Variants in LRRIQ3 observed in about 807,000 individuals in gnomAD.
LRRIQ3 encodes leucine rich repeats and IQ motif containing 3, also known as leucine-rich repeat and IQ domain-containing protein 3.
A neutral mutation model predicts 59.3 loss-of-function variants in LRRIQ3; 75 were observed. That is an observed-to-expected ratio of 1.26 (90% CI 1.05 to 1.53). The LOEUF is 1.53. Among genes scored for constraint, LRRIQ3 ranks in the 40% most tolerant of loss-of-function variants. The probability of loss-of-function intolerance (pLI) is 0.00; values close to 1 mark genes in which losing one functional copy is unlikely to be tolerated. For missense variants in LRRIQ3, 831 were observed against 710.0 expected (o/e 1.17, Z -1.94); for synonymous variants, 250 against 231.3 (o/e 1.08, Z -0.73).
At chr1:74,168,709 T>C (rs1005867382) in intron 3 of LRRIQ3, among the ~76,000 whole-genome samples, 13 of 152,072 alleles carry the variant, frequency 8.5e-5, no homozygotes, top group African/African-American at 4.8e-5. Context: ...TTAAACATTT[T>C]TGGAATTCCA....
chr1:74,076,325 C>T (rs1322691829), intron 5 of LRRIQ3, among the ~76,000 whole-genome samples: 1 of 152,080 alleles, frequency 6.6e-6, no homozygotes, highest in Non-Finnish European at 1.5e-5. Context: ...TTATCATTTG[C>T]TATTGTGAAG....
rs180872345 is a variant in LRRIQ3, at chr1:74,050,009, C to T, written c.998-8076G>A. On this transcript the variant is annotated intron_variant, in intron 6 of 7. Transcript: ENST00000354431. ...CATGATCTCAGCTCACTGCAACCTC[C>T]GCCTCCCGGATTCAAGCAATTCTCC... Among the ~76,000 whole-genome samples the T allele has an allele frequency of 3.7e-3, 561 of 151,106 alleles. 5 individuals carry two copies. Among genetic ancestry groups the T allele is most frequent in the African/African-American group, 0.013 (532 of 41,162 alleles).
At chr1:74,039,623 A>G (rs1034785661) in intron 7 of LRRIQ3, among the ~76,000 whole-genome samples, 1 of 152,138 alleles carries the variant, frequency 6.6e-6, no homozygotes, top group Non-Finnish European at 1.5e-5. Flanking sequence ...GAGAGTGGGG[A>G]CCAATATTCA....
intron 4 of LRRIQ3, among the ~76,000 whole-genome samples, chr1:74,145,049 A>G (rs1647478119): frequency 6.6e-6 from 1 of 152,160 alleles, no homozygotes; most frequent in Non-Finnish European, 1.5e-5. Context: ...ATTAATGTAC[A>G]TTTAGTAGAG....
At chr1:74,120,545 C>T (rs1203259635) in intron 4 of LRRIQ3, among the ~76,000 whole-genome samples, 1 of 151,670 alleles carries the variant, frequency 6.6e-6, no homozygotes, top group African/African-American at 2.4e-5. Flanking sequence ...ATTTTGTATC[C>T]AGCCACCAGC....
At chr1:74,072,699 T>C (rs934490006) in intron 6 of LRRIQ3, among the ~76,000 whole-genome samples, 5 of 152,036 alleles carry the variant, frequency 3.3e-5, no homozygotes, top group African/African-American at 1.2e-4. Flanking sequence ...ATCTGTAGCC[T>C]AGTTGGAAGT....
intron 3 of LRRIQ3, among the ~76,000 whole-genome samples, chr1:74,173,184 C>T (rs981878024): frequency 2.0e-5 from 3 of 151,092 alleles, no homozygotes; most frequent in African/African-American, 7.3e-5. Flanking sequence ...ATAGTTCCAG[C>T]TACTTGGGAG....
intron 5 of LRRIQ3, among the ~76,000 whole-genome samples, chr1:74,097,281 C>T (rs1410419606): frequency 4.0e-5 from 6 of 151,894 alleles, no homozygotes; most frequent in African/African-American, 7.3e-5. Flanking sequence ...CTTCAGTAGC[C>T]GATTCAATCA....
intron 3 of LRRIQ3, among the ~76,000 whole-genome samples, chr1:74,168,703 A>G (rs1649145085): frequency 6.6e-6 from 1 of 151,874 alleles, no homozygotes; most frequent in African/African-American, 2.4e-5. Context: ...GGTTACTTAA[A>G]CATTTTTGGA....
intron 4 of LRRIQ3, among the ~76,000 whole-genome samples, chr1:74,123,168 G>C (rs1019509921): frequency 6.6e-6 from 1 of 151,488 alleles, no homozygotes; most frequent in Non-Finnish European, 1.5e-5. Flanking sequence ...TTTAATTTTT[G>C]TAGGTACATA....
chr1:74,180,139 T>C (rs1474733960), intron 3 of LRRIQ3: 1 of 151,968 alleles, frequency 6.6e-6, no homozygotes, highest in Admixed American at 6.6e-5. Flanking sequence ...CTGCAAGCTA[T>C]TGAAATTCTA....
chr1:74,029,222 C>T (rs192624079), intron 7 of LRRIQ3, among the ~76,000 whole-genome samples: 14 of 152,110 alleles, frequency 9.2e-5, no homozygotes, highest in African/African-American at 2.9e-4. Context: ...CTCCTGCCTG[C>T]TTGCCCTGGC....
At chr1:74,051,910 C>T (rs1476154583) in intron 6 of LRRIQ3, among the ~76,000 whole-genome samples, 2 of 151,972 alleles carry the variant, frequency 1.3e-5, no homozygotes, top group African/African-American at 4.8e-5. Context: ...ATATTTAAAC[C>T]AATTTCATAC....
rs990827329 is a variant in LRRIQ3 at position 74,141,982 on chromosome 1, T to TATAC, written c.707+13750_707+13751insGTAT. 1.4e-3 allele frequency among the ~76,000 whole-genome samples: 214 copies of TATAC among 150,498 alleles called. 1 individual carries two copies. Among genetic ancestry groups the TATAC allele is most frequent in the East Asian group, 4.9e-3 (25 of 5,128 alleles). Reference sequence around the variant, plus strand: ...ATTATTCTGAATAATATTCCATTTATACACACACACACACACACACACACA... The same window carrying TATAC: ...ATTATTCTGAATAATATTCCATTTATATACACACACACACACACACACACACACA... On this transcript the variant is annotated intron_variant, in intron 4 of 7. Coordinates refer to ENST00000354431, the MANE Select transcript of LRRIQ3 (RefSeq NM_001105659.2).
intron 4 of LRRIQ3, among the ~76,000 whole-genome samples, chr1:74,113,286 T>C (rs531565267): frequency 6.6e-6 from 1 of 152,004 alleles, no homozygotes; most frequent in Admixed American, 6.6e-5. Flanking sequence ...AGTTGAGGGA[T>C]ACAATTAAGT....
intron 3 of LRRIQ3, chr1:74,180,569 T>C: frequency 3.1e-6 from 2 of 652,680 alleles, no homozygotes; most frequent in Non-Finnish European, 4.9e-6. Flanking sequence ...GTCCCAGTTA[T>C]CCAGCTTCAA....
chr1:74,128,354 T>C (rs559176467), intron 4 of LRRIQ3, among the ~76,000 whole-genome samples: 106 of 152,216 alleles, frequency 7.0e-4, no homozygotes, highest in Non-Finnish European at 1.3e-3. Flanking sequence ...AATTCTTACT[T>C]CTACTTCATT....
intron 6 of LRRIQ3, among the ~76,000 whole-genome samples, chr1:74,071,513 G>A (rs1655028616): frequency 6.6e-6 from 1 of 152,272 alleles, no homozygotes; most frequent in East Asian, 1.9e-4. Context: ...AGAAGTGCAT[G>A]TTCTCCAAGG....
At chr1:74,190,803 A>C (rs1306455452) in intron 1 of LRRIQ3, among the ~76,000 whole-genome samples, 1 of 152,184 alleles carries the variant, frequency 6.6e-6, no homozygotes, top group African/African-American at 2.4e-5. Flanking sequence ...CTTATAAAGG[A>C]TCACAGATAA....
Sources: gnomAD v4.1 joint callset for allele counts (sites outside exome capture counted in the v4.1 genomes callset) on GRCh38, gnomAD v4.1.1 for gene constraint, MANE v1.5 for transcripts, NCBI Gene and HGNC (gene_info 2026-07-23, HGNC 2026-07-21) for gene names.